The following ZNF653 variants were observed in gnomAD, a reference collection of about 807,000 sequenced individuals.
ZNF653 encodes the protein zinc finger protein 653, also known as 67 kDa zinc finger protein.
Under a neutral mutation model 59.9 loss-of-function variants are expected in ZNF653, and 37 were observed. The ratio of observed to expected loss-of-function variants is 0.62; its 90% confidence interval spans 0.48 to 0.81. The LOEUF is 0.81. Among genes scored for constraint, ZNF653 ranks in the 40% least tolerant of loss-of-function variants. The pLI is 0.00. For missense variants in ZNF653, 808 were observed against 881.1 expected (o/e 0.92, Z 1.05); for synonymous variants, 435 against 371.8 (o/e 1.17, Z -1.96).
chr19:11,491,106 G>A (rs1437671899), intron 3 of ZNF653, among the ~76,000 whole-genome samples: 1 of 152,208 alleles, frequency 6.6e-6, no homozygotes, highest in African/African-American at 2.4e-5. Context: ...CAGGGCCAGT[G>A]CAGTCCCTTC....
chr19:11,490,087 G>T (rs1971514908), intron 3 of ZNF653, among the ~76,000 whole-genome samples: 2 of 152,216 alleles, frequency 1.3e-5, no homozygotes, highest in African/African-American at 4.8e-5. Context: ...CAAGTCCTGG[G>T]CTACCCTGTA....
At chr19:11,486,660 G>A in intron 6 of ZNF653, 109 bp downstream of exon 6, 1 of 923,886 alleles carries the variant, frequency 1.1e-6, no homozygotes, top group Non-Finnish European at 1.6e-6. Context: ...TTTGCCTTCA[G>A]GGACACCTCG....
intron 3 of ZNF653, among the ~76,000 whole-genome samples, chr19:11,493,373 T>A (rs1971549288): frequency 6.6e-6 from 1 of 152,150 alleles, no homozygotes. Flanking sequence ...TTTGGGTCTT[T>A]AATGAGTAAA....
intron 3 of ZNF653, among the ~76,000 whole-genome samples, chr19:11,493,792 G>A (rs992552390): frequency 5.9e-5 from 9 of 152,176 alleles, no homozygotes; most frequent in African/African-American, 9.7e-5. Context: ...GCCAAGGCAG[G>A]AGGATTACTA....
chr19:11,505,705 C>A lies in ZNF653; in HGVS notation c.82G>T (p.Ala28Ser), dbSNP rs891833930. The A allele has an allele frequency of 6.7e-6, 10 of 1,484,262 alleles. No individual in the cohort carries two copies. The highest frequency in any genetic ancestry group is 8.9e-6 in the Non-Finnish European group (10 of 1,126,122). 91.9% of individuals were successfully genotyped at this position (1,484,262 alleles called of 1,614,324 possible). ...CGGCCCCGCGCCTTTCGGCCCGCTG[C>A]GCCCTCCTCGGCTGCTGCCTCCCCG... ...AGGEAAAEEG[A>S]AGRKARGRPR... Residue 28 changes from alanine to serine, a missense_variant, in exon 1 of 9, where the codon GCA (alanine) becomes TCA (serine). Coordinates refer to ENST00000293771, the MANE Select transcript of ZNF653 (RefSeq NM_138783.4).
chr19:11,488,566 A>T (rs1971496246), intron 3 of ZNF653, among the ~76,000 whole-genome samples: 1 of 150,484 alleles, frequency 6.6e-6, no homozygotes, highest in Non-Finnish European at 1.5e-5. Context: ...AATGACAGTC[A>T]TGAGCCACCG....
In ZNF653 at chr19:11,487,637, C is replaced by T; in HGVS notation, c.826G>A (p.Val276Met). 1.2e-6 allele frequency: 2 copies of T among 1,613,882 alleles called. No homozygotes were observed. The highest frequency in any genetic ancestry group is 2.2e-5 in the South Asian group (2 of 91,090). Residue 276 changes from valine to methionine, a missense_variant, in exon 4 of 9, where the codon GTG (valine) becomes ATG (methionine). By Grantham distance (21) the Val-to-Met change is conservative. Transcript: ENST00000293771. This position sits in a 1 kb window ranked among gnomAD's most constrained non-coding sequence, Gnocchi z 5.1. ...TGCACAGGCACCGGCACGCACACCACTGTCTCCAGGGCTTCAGGCCCATTG... is the reference window on the plus strand; with the variant it reads ...TGCACAGGCACCGGCACGCACACCATTGTCTCCAGGGCTTCAGGCCCATTG... ...AGNGPEALET[V>M]VCVPVPVQVG...
intron 1 of ZNF653, among the ~76,000 whole-genome samples, chr19:11,501,350 T>C (rs1320954769): frequency 6.6e-6 from 1 of 152,002 alleles, no homozygotes; most frequent in Admixed American, 6.6e-5. Context: ...GGCTAACTTT[T>C]GTACTTTTTG....
intron 1 of ZNF653, among the ~76,000 whole-genome samples, chr19:11,498,913 C>T (rs544279045): frequency 5.3e-5 from 8 of 152,024 alleles, no homozygotes; most frequent in South Asian, 2.1e-4. Context: ...TTAGTAGAGA[C>T]GGGGTTTCAC....
intron 3 of ZNF653, among the ~76,000 whole-genome samples, chr19:11,489,418 C>A (rs10412897): frequency 6.6e-6 from 1 of 152,110 alleles, no homozygotes; most frequent in African/African-American, 2.4e-5. Flanking sequence ...AGGCTGATCT[C>A]GAACTTCTGA....
At position 11,505,671 on chromosome 19, in the gene ZNF653, A is replaced by G; in HGVS notation, c.116T>C (p.Leu39Pro). ...AGRKARGRPR[L>P]TESDRARRRL... ...TCGCCGGGCCCGGTCCGACTCCGTG[A>G]GTCGCGGCCGGCCCCGCGCCTTTCG... Residue 39 changes from leucine (L) to proline (P), a missense_variant, in exon 1 of 9, where the codon CTC (leucine) becomes CCC (proline). Transcript: ENST00000293771. 6.7e-7 allele frequency: 1 copy of G among 1,492,782 alleles called. No homozygotes were observed. Among genetic ancestry groups the G allele is most frequent in the Non-Finnish European group, 8.9e-7 (1 of 1,129,070 alleles). 92.5% of individuals were successfully genotyped at this position (1,492,782 alleles called of 1,614,324 possible).
intron 1 of ZNF653, among the ~76,000 whole-genome samples, chr19:11,499,666 C>T (rs1023121121): frequency 2.7e-5 from 4 of 149,898 alleles, no homozygotes; most frequent in Non-Finnish European, 5.9e-5. Flanking sequence ...AATCTCAGCA[C>T]GTTAGGAGGT....
intron 3 of ZNF653, among the ~76,000 whole-genome samples, chr19:11,494,230 G>A (rs1048663995): frequency 9.9e-5 from 15 of 151,870 alleles, no homozygotes; most frequent in Non-Finnish European, 1.6e-4. Context: ...GCTGAGGTGA[G>A]AGAATTGCTT....
intron 8 of ZNF653, 87 bp from the exon 9 acceptor site, chr19:11,483,946 G>A (rs1345299581): frequency 4.6e-6 from 7 of 1,521,578 alleles, no homozygotes; most frequent in Non-Finnish European, 5.3e-6. Flanking sequence ...GGTGGAACCG[G>A]GCCCAGACAC....
Position 11,498,303 on chromosome 19 carries a change from C to A in ZNF653, c.336G>T (p.Arg112=). Residue 112 remains arginine (R), a synonymous_variant, in exon 2 of 9, where the codon CGG becomes CGT. Transcript: ENST00000293771. ...GGCTGAGCCTCCACTTACTTTTCTT[C>A]CGCTTTGGCTTTTTGGGGACCTGCT... is the stretch of plus-strand genomic sequence containing the variant. ...PWEQVPKKPK[R]KKRRRRNVNC... is the part of the protein sequence containing the mutation. 6.2e-7 allele frequency: 1 copy of A among 1,614,120 alleles called. No homozygotes were observed. The highest frequency in any genetic ancestry group is 8.5e-7 in the Non-Finnish European group (1 of 1,179,964).
At chr19:11,505,394 G>C (rs760795733) in intron 1 of ZNF653, 94 bp downstream of exon 1, 15 of 1,271,570 alleles carry the variant, frequency 1.2e-5, no homozygotes, top group East Asian at 3.2e-5. Flanking sequence ...CGCAGGTGCC[G>C]GGGGCTGGCC....
In ZNF653 at chr19:11,495,851, C is replaced by T. The variant is rs1971581085; in HGVS notation, c.559+99G>A. On this transcript the variant is annotated intron_variant, in intron 3 of 8. Transcript: ENST00000293771. The surrounding 1 kb of genome is among the most constrained non-coding windows in gnomAD (Gnocchi z 4.9). ...CCCAGTGCCAGAGCCAGAGCCAGAG[C>T]CACTGTGGCTGCTATTCTGTTTGTG... is the stretch of plus-strand genomic sequence containing the variant. 1.6e-6 allele frequency: 2 copies of T among 1,262,408 alleles called. No homozygotes were observed. Among genetic ancestry groups the T allele is most frequent in the Admixed American group, 2.1e-5 (1 of 47,538 alleles). 78.2% of individuals were successfully genotyped at this position (1,262,408 alleles called of 1,614,324 possible). A position where few individuals can be genotyped will look rare whatever the true frequency, so the allele number is the denominator to read the frequency against.
At chr19:11,501,331 A>C (rs923170226) in intron 1 of ZNF653, among the ~76,000 whole-genome samples, 4 of 151,768 alleles carry the variant, frequency 2.6e-5, no homozygotes, top group African/African-American at 9.7e-5. Context: ...GGCATGCACC[A>C]CCACACCCGG....
Position 11,483,596 on chromosome 19 carries a change from G to A in ZNF653, c.*86C>T, listed in dbSNP as rs758937222. ...CCTCCTTCCGGCCCGCGGTCCGGGCGGCCCTCGCAGCTGTCCAGGCCCCGG... is the reference window on the plus strand; with the variant it reads ...CCTCCTTCCGGCCCGCGGTCCGGGCAGCCCTCGCAGCTGTCCAGGCCCCGG... On this transcript the variant is annotated 3_prime_UTR_variant, in exon 9 of 9. Transcript: ENST00000293771. The A allele has an allele frequency of 2.0e-6, 3 of 1,507,660 alleles. No individual in the cohort carries two copies. Among genetic ancestry groups the A allele is most frequent in the East Asian group, 2.4e-5 (1 of 42,048 alleles). The allele number at this position is 1,507,660 out of a possible 1,614,324, so 93.4% of individuals were successfully genotyped here. A position where few individuals can be genotyped will look rare whatever the true frequency, so the allele number is the denominator to read the frequency against.
Sources: allele counts gnomAD v4.1 joint callset (sites outside exome capture counted in the v4.1 genomes callset), GRCh38; gene constraint gnomAD v4.1.1; non-coding constraint Gnocchi (gnomAD v3.1); transcripts MANE v1.5; gene names NCBI Gene and HGNC (gene_info 2026-07-23, HGNC 2026-07-21).